The following ZNF257 variants were observed in gnomAD, a reference collection of about 807,000 sequenced individuals.
The protein encoded by ZNF257 is zinc finger protein 257, also known as bone marrow zinc finger 4.
A neutral mutation model predicts 11.9 loss-of-function variants in ZNF257; 12 were observed. The ratio of observed to expected loss-of-function variants is 1.01; its 90% CI spans 0.65 to 1.63. The LOEUF is 1.63. Ranked by LOEUF, ZNF257 falls within the 40% of genes most tolerant of loss-of-function variation. The pLI is 0.00. For synonymous variants in ZNF257, 183 were observed against 222.7 expected (o/e 0.82, Z 1.59); for missense variants, 580 against 665.5 (o/e 0.87, Z 1.41).
chr19:22,088,636 T>C lies in ZNF257; in HGVS notation c.886T>C (p.Trp296Arg). 1 of 1,611,264 alleles carries C rather than the reference T, an allele frequency of 6.2e-7. No individual in the cohort carries two copies. Among genetic ancestry groups the C allele is most frequent in the Non-Finnish European group, 8.5e-7 (1 of 1,179,560 alleles). ...TGATGAATGTTGCAAAGCCTTTAAG[T>C]GGTCCTCAGCTCTTACTACCCTTAC... The part of the protein sequence containing the change: ...KYDECCKAFK[W>R]SSALTTLTQH... The change falls in exon 4 of 4, where the codon TGG (tryptophan) becomes CGG (arginine). Residue 296 changes from tryptophan to arginine, a missense_variant. Trp to Arg is a moderately radical substitution (Grantham distance 101). Coordinates refer to ENST00000594947, the MANE Select transcript of ZNF257 (RefSeq NM_033468.4).
intron 3 of ZNF257, among the ~76,000 whole-genome samples, chr19:22,073,824 A>G (rs2022166066): frequency 6.6e-6 from 1 of 152,030 alleles, no homozygotes; most frequent in South Asian, 2.1e-4. Context: ...TCCTCATGGC[A>G]TATAAGAGAC....
intron 2 of ZNF257, among the ~76,000 whole-genome samples, chr19:22,073,194 T>C (rs1018434741): frequency 6.6e-6 from 1 of 152,096 alleles, no homozygotes. Context: ...TCTAGAATAG[T>C]GGTAATTCCA....
In ZNF257 at chr19:22,090,368, TG is replaced by T. The variant is rs1484365209; in HGVS notation, c.*927del. 6.6e-6 allele frequency: 1 copy of T among 152,144 alleles called. No individual in the cohort carries two copies. Among genetic ancestry groups the T allele is most frequent in the African/African-American group, 2.4e-5 (1 of 41,430 alleles). The allele number at this position is 152,144 out of a possible 1,614,324, so 9.4% of individuals were successfully genotyped here. On this transcript the variant is annotated 3_prime_UTR_variant, in exon 4 of 4. Transcript: ENST00000594947. ...AACCCTGAAGCAGTTGCTAAAATTT[TG>T]TTCAGCATTAGGAAATTTATGTTGG...
At position 22,088,769 on chromosome 19, in the gene ZNF257, G is replaced by A. The variant is rs1375962589; in HGVS notation, c.1019G>A (p.Gly340Glu). The A allele has an allele frequency of 6.2e-7, 1 of 1,611,614 alleles. No homozygotes were observed. The highest frequency in any genetic ancestry group is 8.5e-7 in the Non-Finnish European group (1 of 1,179,556). Residue 340 changes from glycine (G) to glutamate (E), a missense_variant, in exon 4 of 4, where the codon GGA becomes GAA. By Grantham distance (98) the Gly-to-Glu change is moderately conservative. Transcript: ENST00000594947. ...ALTRHKMIHT[G>E]EKPFQCEECG... is the part of the protein sequence containing the mutation. ...ACTCGACATAAGATGATTCATACTGGAGAGAAACCCTTCCAATGTGAAGAG... is the reference window on the plus strand; with the variant it reads ...ACTCGACATAAGATGATTCATACTGAAGAGAAACCCTTCCAATGTGAAGAG...
intron 1 of ZNF257, among the ~76,000 whole-genome samples, chr19:22,069,834 A>T (rs1377536811): frequency 6.6e-6 from 1 of 152,132 alleles, no homozygotes; most frequent in African/African-American, 2.4e-5. Context: ...GCTAAAAAAG[A>T]TTAAAGTTAC....
At chr19:22,079,309 C>G (rs964623769) in intron 3 of ZNF257, among the ~76,000 whole-genome samples, 42 of 152,024 alleles carry the variant, frequency 2.8e-4, no homozygotes, top group African/African-American at 9.9e-4. Context: ...TATAATGCCT[C>G]CTTGTTCTTT....
intron 1 of ZNF257, among the ~76,000 whole-genome samples, chr19:22,072,207 AT>A (rs1000192239): frequency 2.6e-5 from 4 of 152,122 alleles, no homozygotes; most frequent in Non-Finnish European, 4.4e-5. Context: ...AGGTCTACAA[AT>A]TTTTTTACTA....
rs1432402494 is a variant in ZNF257, at chr19:22,087,670, A to G, written c.227-307A>G. Reference sequence around the variant, plus strand: ...AATTTACTTCTAAGGGCACTATGTTATACTGAGGAGAAGGAAGTACTGTGT... The same window carrying G: ...AATTTACTTCTAAGGGCACTATGTTGTACTGAGGAGAAGGAAGTACTGTGT... On this transcript the variant is annotated intron_variant, in intron 3 of 3. Transcript: ENST00000594947. 4.8e-6 allele frequency: 4 copies of G among 837,542 alleles called. No homozygotes were observed. In the African/African-American group the frequency reaches 7.1e-5, roughly 15 times the overall value. The allele number at this position is 837,542 out of a possible 1,614,324, so 51.9% of individuals were successfully genotyped here.
intron 1 of ZNF257, among the ~76,000 whole-genome samples, chr19:22,068,070 T>G (rs2022002971): frequency 6.6e-6 from 1 of 151,678 alleles, no homozygotes; most frequent in South Asian, 2.1e-4. Context: ...TGGTTATGAC[T>G]CTAGACACTT....
intron 1 of ZNF257, among the ~76,000 whole-genome samples, chr19:22,067,062 C>T (rs1325075142): frequency 2.6e-5 from 4 of 151,816 alleles, no homozygotes; most frequent in Non-Finnish European, 5.9e-5. Flanking sequence ...AGGGGACTTT[C>T]CCTCTCAGGC....
At chr19:22,077,552 T>G (rs985793487) in intron 3 of ZNF257, among the ~76,000 whole-genome samples, 1 of 152,194 alleles carries the variant, frequency 6.6e-6, no homozygotes, top group African/African-American at 2.4e-5. Context: ...ATTTTGTTAC[T>G]GGCTTATTTC....
chr19:22,080,445 C>T (rs2022331859), intron 3 of ZNF257, among the ~76,000 whole-genome samples: 1 of 152,132 alleles, frequency 6.6e-6, no homozygotes, highest in Non-Finnish European at 1.5e-5. Context: ...TCACCTTACA[C>T]TTGCTGTCTG....
At chr19:22,086,429 A>G (rs1407575311) in intron 3 of ZNF257, among the ~76,000 whole-genome samples, 4 of 152,044 alleles carry the variant, frequency 2.6e-5, no homozygotes, top group Admixed American at 2.6e-4. Flanking sequence ...TTCTAATTTT[A>G]GAGCATAATT....
intron 1 of ZNF257, among the ~76,000 whole-genome samples, chr19:22,070,561 G>A (rs545908101): frequency 3.3e-5 from 5 of 152,090 alleles, no homozygotes; most frequent in East Asian, 3.9e-4. Flanking sequence ...TTATTTAAAC[G>A]CAGACTTATT....
chr19:22,064,739 G>T (rs1307768110), intron 1 of ZNF257, among the ~76,000 whole-genome samples: 1 of 152,090 alleles, frequency 6.6e-6, no homozygotes, highest in Non-Finnish European at 1.5e-5. Context: ...GTGTTTGTAG[G>T]CAACCTGCGT....
At chr19:22,080,163 A>T (rs1367160513) in intron 3 of ZNF257, among the ~76,000 whole-genome samples, 49 of 152,048 alleles carry the variant, frequency 3.2e-4, no homozygotes, top group Admixed American at 6.6e-5. Flanking sequence ...TATTATTTGT[A>T]GGAACAGGGT....
intron 3 of ZNF257, among the ~76,000 whole-genome samples, chr19:22,082,950 T>C (rs1346793847): frequency 6.6e-6 from 1 of 152,114 alleles, no homozygotes; most frequent in Non-Finnish European, 1.5e-5. Flanking sequence ...TATAATTGTC[T>C]CTGTGTTTGT....
At chr19:22,054,934 T>C (rs1003199179) in intron 1 of ZNF257, among the ~76,000 whole-genome samples, 18 of 137,142 alleles carry the variant, frequency 1.3e-4, no homozygotes, top group African/African-American at 5.4e-4. Flanking sequence ...TTTTTTTTTT[T>C]CTTCTTATAG....
chr19:22,074,900 C>T (rs766808405), intron 3 of ZNF257, among the ~76,000 whole-genome samples: 2 of 152,062 alleles, frequency 1.3e-5, no homozygotes, highest in African/African-American at 2.4e-5. Flanking sequence ...ACTGTTTTGA[C>T]TAATTATTCT....
Sources: allele counts gnomAD v4.1 joint callset (sites outside exome capture counted in the v4.1 genomes callset), GRCh38; gene constraint gnomAD v4.1.1; transcripts MANE v1.5; gene names NCBI Gene and HGNC (gene_info 2026-07-23, HGNC 2026-07-21).